The following NXPH1 variants were observed in gnomAD, a reference collection of about 807,000 sequenced individuals.
NXPH1 encodes the protein neurexophilin-1.
In NXPH1, 5 loss-of-function variants were observed where a neutral mutation model predicts 23.7. The observed-to-expected ratio is 0.21, with a 90% CI of 0.11 to 0.44. NXPH1 has a LOEUF of 0.44. Among genes scored for constraint, NXPH1 ranks in the 20% least tolerant of loss-of-function variants. The pLI, the probability that NXPH1 is intolerant of heterozygous loss-of-function variation, is 0.99. For missense variants in NXPH1, 324 were observed against 321.6 expected (o/e 1.01, Z -0.06); for synonymous variants, 144 against 122.2 (o/e 1.18, Z -1.18).
At chr7:8,519,655 T>C (rs1411034533) in intron 2 of NXPH1, among the ~76,000 whole-genome samples, 5 of 152,286 alleles carry the variant, frequency 3.3e-5, no homozygotes, top group Admixed American at 2.6e-4. Flanking sequence ...TGTGCCTTCT[T>C]CTCTCTCTCC....
chr7:8,531,985 T>G (rs11764549), intron 2 of NXPH1, among the ~76,000 whole-genome samples: 1 of 151,958 alleles, frequency 6.6e-6, no homozygotes, highest in Non-Finnish European at 1.5e-5. Flanking sequence ...ACTTCCCAAA[T>G]GGAGGTACCC....
At chr7:8,620,828 G>C (rs1022251211) in intron 2 of NXPH1, among the ~76,000 whole-genome samples, 1 of 152,160 alleles carries the variant, frequency 6.6e-6, no homozygotes, top group African/African-American at 2.4e-5. Context: ...AAGGCCTCAT[G>C]GGGACAAGGA....
intron 2 of NXPH1, among the ~76,000 whole-genome samples, chr7:8,447,230 A>G (rs1187613443): frequency 6.6e-6 from 1 of 152,256 alleles, no homozygotes; most frequent in African/African-American, 2.4e-5. Context: ...AATTGAAGAT[A>G]CAAAACAACT....
chr7:8,646,222 G>C (rs1377647845), intron 2 of NXPH1, among the ~76,000 whole-genome samples: 3 of 152,082 alleles, frequency 2.0e-5, no homozygotes, highest in Admixed American at 6.5e-5. Context: ...ATTACTGGGT[G>C]TAATTAGTTA....
At chr7:8,683,676 C>T (rs945927651) in intron 2 of NXPH1, among the ~76,000 whole-genome samples, 13 of 152,058 alleles carry the variant, frequency 8.5e-5, no homozygotes, top group African/African-American at 2.9e-4. Context: ...TAGGTTGGCA[C>T]AAAAGTAATT....
intron 2 of NXPH1, among the ~76,000 whole-genome samples, chr7:8,567,567 C>G (rs957497488): frequency 2.6e-5 from 4 of 151,806 alleles, no homozygotes; most frequent in African/African-American, 9.7e-5. Flanking sequence ...TGTTAGTTTG[C>G]TTTTAAACTA....
intron 2 of NXPH1, among the ~76,000 whole-genome samples, chr7:8,555,206 G>T (rs1350046402): frequency 2.0e-5 from 3 of 151,706 alleles, no homozygotes; most frequent in African/African-American, 7.2e-5. Context: ...GCAACTGATA[G>T]ACTGAAGTCC....
intron 2 of NXPH1, among the ~76,000 whole-genome samples, chr7:8,513,313 C>T (rs976469369): frequency 1.3e-5 from 2 of 152,048 alleles, no homozygotes; most frequent in African/African-American, 4.8e-5. Flanking sequence ...GGTTCTCAGT[C>T]TCTTACCTGC....
chr7:8,594,582 T>C (rs10230697), intron 2 of NXPH1, among the ~76,000 whole-genome samples: 65,608 of 151,804 alleles, frequency 0.43, 16,664 homozygotes, highest in African/African-American at 0.72. Flanking sequence ...ACAAAATAAA[T>C]TAAGTGAGGA....
At chr7:8,727,699 C>G (rs1179107792) in intron 2 of NXPH1, among the ~76,000 whole-genome samples, 1 of 152,074 alleles carries the variant, frequency 6.6e-6, no homozygotes, top group Non-Finnish European at 1.5e-5. Flanking sequence ...TGATCTATAT[C>G]TCTGTTTTGG....
chr7:8,720,367 T>C (rs891828361), intron 2 of NXPH1, among the ~76,000 whole-genome samples: 2 of 146,714 alleles, frequency 1.4e-5, no homozygotes, highest in African/African-American at 5.5e-5. Flanking sequence ...TGCATTTCTC[T>C]ACTCTATCAT....
intron 2 of NXPH1, among the ~76,000 whole-genome samples, chr7:8,652,676 C>A (rs553884708): frequency 6.6e-6 from 1 of 152,054 alleles, no homozygotes; most frequent in Non-Finnish European, 1.5e-5. Context: ...TGGAGAGTAG[C>A]CTTGAATTAA....
chr7:8,463,338 C>A (rs1263883878), intron 2 of NXPH1, among the ~76,000 whole-genome samples: 1 of 148,908 alleles, frequency 6.7e-6, no homozygotes, highest in African/African-American at 2.5e-5. Flanking sequence ...TTATCATGAA[C>A]TGTAATTTAC....
At chr7:8,706,828 C>T (rs1197020465) in intron 2 of NXPH1, among the ~76,000 whole-genome samples, 1 of 152,166 alleles carries the variant, frequency 6.6e-6, no homozygotes, top group Non-Finnish European at 1.5e-5. Flanking sequence ...GGAGGAGTCC[C>T]TCTTAGGAGC....
intron 2 of NXPH1, among the ~76,000 whole-genome samples, chr7:8,491,820 A>C (rs778399951): frequency 6.6e-6 from 1 of 152,090 alleles, no homozygotes; most frequent in Non-Finnish European, 1.5e-5. Context: ...TCAGCATGCC[A>C]AATTTTCATT....
intron 2 of NXPH1, among the ~76,000 whole-genome samples, chr7:8,502,560 G>A (rs1008984980): frequency 1.3e-5 from 2 of 151,758 alleles, no homozygotes; most frequent in Admixed American, 1.3e-4. Flanking sequence ...AAGCATTAGT[G>A]GTGTGACAAG....
At chr7:8,747,291 A>G (rs953716104) in intron 2 of NXPH1, among the ~76,000 whole-genome samples, 11 of 152,176 alleles carry the variant, frequency 7.2e-5, no homozygotes, top group Non-Finnish European at 1.6e-4. Flanking sequence ...ATTTAGAACT[A>G]AACAATTTTT....
intron 2 of NXPH1, among the ~76,000 whole-genome samples, chr7:8,454,973 G>A (rs1816569333): frequency 1.3e-5 from 2 of 152,114 alleles, no homozygotes. Flanking sequence ...TTTGATAATT[G>A]CAAAAGATAT....
At chr7:8,663,736 T>A (rs1275392438) in intron 2 of NXPH1, among the ~76,000 whole-genome samples, 1 of 152,110 alleles carries the variant, frequency 6.6e-6, no homozygotes, top group Admixed American at 6.6e-5. Flanking sequence ...TTCTCAAATT[T>A]AACTGAGCTG....
Sources: gnomAD v4.1 joint callset for allele counts (sites outside exome capture counted in the v4.1 genomes callset) on GRCh38, gnomAD v4.1.1 for gene constraint, MANE v1.5 for transcripts, NCBI Gene and HGNC (gene_info 2026-07-23, HGNC 2026-07-21) for gene names.